Variants in ALOXE3 observed in about 807,000 individuals in gnomAD.
The protein encoded by ALOXE3 is hydroperoxide isomerase ALOXE3.
A neutral mutation model predicts 87.5 loss-of-function variants in ALOXE3; 78 were observed. The observed-to-expected ratio is 0.89, with a 90% CI of 0.74 to 1.08. ALOXE3 has a LOEUF of 1.08. ALOXE3 is among the 50% of genes least tolerant of loss of function. ALOXE3 has a pLI of 0.00. For missense variants in ALOXE3, 946 were observed against 912.4 expected (o/e 1.04, Z -0.47); for synonymous variants, 363 against 370.8 (o/e 0.98, Z 0.24).
chr17:8,099,598 T>C (rs868626040), intron 15 of ALOXE3, among the ~76,000 whole-genome samples: 2 of 151,432 alleles, frequency 1.3e-5, no homozygotes, highest in South Asian at 4.2e-4. Flanking sequence ...GAGGCAGAGG[T>C]TGCACTGAGC....
rs141463152 is a variant in ALOXE3, at chr17:8,116,097, A to G, written c.353-409T>C. On this transcript the variant is annotated intron_variant, in intron 3 of 15. Coordinates refer to ENST00000448843, the MANE Select transcript of ALOXE3 (RefSeq NM_021628.3). ...GATGGATGTGCTGTGGAGATGGATGAGAGTTTATAGTGAGGTCTATGGAAA... is the reference window on the plus strand; with the variant it reads ...GATGGATGTGCTGTGGAGATGGATGGGAGTTTATAGTGAGGTCTATGGAAA... Among the ~76,000 whole-genome samples, 521 of 152,352 alleles carry G rather than the reference A, an allele frequency of 3.4e-3. 9 individuals carry two copies. The Middle Eastern group carries it at 0.065, about 19-fold the overall frequency.
At chr17:8,109,549 T>C (rs1598208193) in intron 11 of ALOXE3, among the ~76,000 whole-genome samples, 1 of 152,136 alleles carries the variant, frequency 6.6e-6, no homozygotes, top group East Asian at 1.9e-4. Flanking sequence ...TCCTTAGGTA[T>C]TTGGTAACTA....
At chr17:8,116,165 G>A (rs1448772562) in intron 3 of ALOXE3, among the ~76,000 whole-genome samples, 10 of 152,200 alleles carry the variant, frequency 6.6e-5, no homozygotes, top group Admixed American at 2.0e-4. Context: ...GCCTCACTTT[G>A]ACCTAGAATA....
chr17:8,113,003 A>G (rs1980234001), intron 6 of ALOXE3, among the ~76,000 whole-genome samples: 1 of 151,992 alleles, frequency 6.6e-6, no homozygotes, highest in African/African-American at 2.4e-5. Flanking sequence ...TAATATGGAG[A>G]AGCATGCTTG....
At chr17:8,118,775 G>T (rs1980840028), upstream of ALOXE3, 4 of 1,537,234 alleles carry the variant, frequency 2.6e-6, no homozygotes, top group Non-Finnish European at 3.5e-6. Flanking sequence ...GCCCCGCGTG[G>T]CATTCTTTCC....
intron 13 of ALOXE3, among the ~76,000 whole-genome samples, chr17:8,108,043 GAAAGAAAGAAAGA>G: frequency 1.2e-5 from 1 of 85,064 alleles, no homozygotes; most frequent in East Asian, 2.3e-4. Context: ...AAGAAAGAAA[GAAAGAAAGAAAGA>G]AAGAAAGAAA....
In ALOXE3 at chr17:8,114,540, G is replaced by A. The variant is rs1980406198; in HGVS notation, c.624C>T (p.Pro208=). Residue 208 remains proline, a synonymous_variant, in exon 6 of 16, where the codon CCC becomes CCT. Transcript: ENST00000448843. ...IDIPSLMYME[P]NVRYSATKTI... is the part of the protein sequence containing the mutation. ...TCTTGGTGGCTGAGTATCGAACATTGGGCTCCATGTACATCAGGGATGGGA... is the reference window on the plus strand; with the variant it reads ...TCTTGGTGGCTGAGTATCGAACATTAGGCTCCATGTACATCAGGGATGGGA... The A allele has an allele frequency of 6.2e-7, 1 of 1,613,990 alleles. No individual in the cohort carries two copies. The highest frequency in any genetic ancestry group is 8.5e-7 in the Non-Finnish European group (1 of 1,179,952).
At chr17:8,116,663 C>G (rs1198142130) in intron 3 of ALOXE3, 113 bp downstream of exon 3, 1 of 1,282,352 alleles carries the variant, frequency 7.8e-7, no homozygotes, top group Admixed American at 1.9e-5. Context: ...ACTTGGGAGC[C>G]CAGAGTTTCT....
In ALOXE3 at chr17:8,115,033, G is replaced by C. The variant is rs774006127; in HGVS notation, c.459C>G (p.Phe153Leu). Residue 153 changes from phenylalanine (F) to leucine (L), a missense_variant, in exon 5 of 16, where the codon TTC (phenylalanine) becomes TTG (leucine). Phe to Leu is a conservative substitution (Grantham distance 22). Transcript: ENST00000448843. ...AGCTGTTGACGTCTACCATGCAGGG[G>C]AAGCCAGGGGCATAGATCTTCCAGC... ...CYRWKIYAPG[F>L]PCMVDVNSFQ... 2.5e-6 allele frequency: 4 copies of C among 1,614,198 alleles called. No individual in the cohort carries two copies.
intron 13 of ALOXE3, among the ~76,000 whole-genome samples, chr17:8,107,964 AGGAG>A (rs1351318686): frequency 4.6e-4 from 1 of 2,196 alleles, no homozygotes; most frequent in African/African-American, 1.8e-3. Flanking sequence ...AAAGAAAGGA[AGGAG>A]AGAGAGAGAG....
intron 6 of ALOXE3, among the ~76,000 whole-genome samples, chr17:8,113,914 A>G (rs1201628072): frequency 6.6e-6 from 1 of 151,518 alleles, no homozygotes; most frequent in African/African-American, 2.4e-5. Context: ...AGTCCCAGCT[A>G]CTCAGGAGGC....
At chr17:8,114,393 G>A in intron 6 of ALOXE3, 91 bp downstream of exon 6, 1 of 1,571,496 alleles carries the variant, frequency 6.4e-7, no homozygotes, top group African/African-American at 1.4e-5. Context: ...AGGGGATACT[G>A]GGAATAGGGA....
chr17:8,104,325 C>T (rs1404235583), intron 13 of ALOXE3, 110 bp from the exon 14 acceptor site: 19 of 802,766 alleles, frequency 2.4e-5, no homozygotes, highest in Middle Eastern at 2.4e-4. Flanking sequence ...TAGGGAACAC[C>T]GAGCCATGAC....
chr17:8,104,031 C>T (rs1439157120), intron 14 of ALOXE3, 84 bp downstream of exon 14: 1 of 1,221,286 alleles, frequency 8.2e-7, no homozygotes, highest in Non-Finnish European at 1.2e-6. Context: ...CCAACGCTGA[C>T]CCACCCAAGC....
At position 8,096,302 on chromosome 17, in the gene ALOXE3, C is replaced by A; in HGVS notation, c.*325G>T. On this transcript the variant is annotated 3_prime_UTR_variant, in exon 16 of 16. Coordinates refer to ENST00000448843, the MANE Select transcript of ALOXE3 (RefSeq NM_021628.3). ...GGATGAGGGAGAAAAGCTCAGAAAC[C>A]CAAGCTGGGCATTCCAAGAGGCTGG... 3.7e-6 allele frequency: 1 copy of A among 271,852 alleles called. No individual in the cohort carries two copies. The highest frequency in any genetic ancestry group is 6.3e-5 in the South Asian group (1 of 15,986). 16.8% of individuals were successfully genotyped at this position (271,852 alleles called of 1,614,324 possible).
chr17:8,109,781 G>T, intron 11 of ALOXE3, 135 bp downstream of exon 11: 1 of 875,732 alleles, frequency 1.1e-6, no homozygotes, highest in Non-Finnish European at 1.8e-6. Flanking sequence ...GGTGGAAGAG[G>T]CAGTGATTGT....
intron 13 of ALOXE3, among the ~76,000 whole-genome samples, chr17:8,104,965 T>C (rs924222601): frequency 9.9e-5 from 15 of 152,144 alleles, no homozygotes; most frequent in Admixed American, 5.2e-4. Context: ...TTCCCTTCTC[T>C]GGCTGTGCCT....
chr17:8,098,443 TTGGCCAGGCTGG>T (rs1165410107), intron 15 of ALOXE3, among the ~76,000 whole-genome samples: 1 of 151,832 alleles, frequency 6.6e-6, no homozygotes, highest in Non-Finnish European at 1.5e-5. Flanking sequence ...TTTCACCATG[TTGGCCAGGCTGG>T]TCTTGAACTC....
At position 8,115,676 on chromosome 17, in the gene ALOXE3, C is replaced by A. The variant is rs142479006; in HGVS notation, c.365G>T (p.Cys122Phe). The A allele has an allele frequency of 1.2e-4, 191 of 1,613,640 alleles. No individual in the cohort carries two copies. The African/African-American group carries it at 2.4e-3, about 20-fold the overall frequency. Residue 122 changes from cysteine (C) to phenylalanine (F), a missense_variant, in exon 4 of 16, where the codon TGT becomes TTT. Transcript: ENST00000448843. The part of the protein sequence containing the change: ...ELRPGTARTI[C>F]QDSLPLLLDH... Reference sequence around the variant, plus strand: ...CAGGAGGAGGGGAAGAGAGTCCTGACAAATAGTTCTTGCTGTGGGGAATGA... The same window carrying A: ...CAGGAGGAGGGGAAGAGAGTCCTGAAAAATAGTTCTTGCTGTGGGGAATGA...
Sources: allele counts gnomAD v4.1 joint callset (sites outside exome capture counted in the v4.1 genomes callset), GRCh38; gene constraint gnomAD v4.1.1; transcripts MANE v1.5; gene names NCBI Gene and HGNC (gene_info 2026-07-23, HGNC 2026-07-21).